Variants in STARD13 observed in about 807,000 individuals in gnomAD.
The protein encoded by STARD13 is StAR related lipid transfer domain containing 13, also known as stAR-related lipid transfer protein 13.
In STARD13, 62 loss-of-function variants were observed where a neutral mutation model predicts 106.4. That is an observed-to-expected ratio of 0.58 (90% confidence interval 0.48 to 0.72). The LOEUF (loss-of-function observed/expected upper bound fraction) is 0.72, where lower values mean the gene tolerates loss of function less well. STARD13 is among the 30% of genes least tolerant of loss of function. The pLI, the probability that STARD13 is intolerant of heterozygous loss-of-function variation, is 0.00. For synonymous variants in STARD13, 565 were observed against 553.0 expected, an observed-to-expected ratio of 1.02 and a Z score of -0.31; for missense variants, 1,387 against 1,424.0, an observed-to-expected ratio of 0.97 and a Z score of 0.42.
chr13:33,637,507 G>C, the STARD13 span, among the ~76,000 whole-genome samples: 1 of 152,146 alleles, frequency 6.6e-6, no homozygotes, highest in Non-Finnish European at 1.5e-5. Flanking sequence ...GAAGAATGCT[G>C]TTTCCATTGT....
the STARD13 span, among the ~76,000 whole-genome samples, chr13:33,515,068 T>C: frequency 6.6e-6 from 1 of 152,152 alleles, no homozygotes; most frequent in African/African-American, 2.4e-5. Flanking sequence ...GCCAGAGTAC[T>C]AGAGGCTGGA....
chr13:33,499,531 C>CT, the STARD13 span, among the ~76,000 whole-genome samples: 83 of 41,702 alleles, frequency 2.0e-3, 3 homozygotes, highest in South Asian at 4.2e-3. Context: ...TCTTCTTCTT[C>CT]TTCTTCTTCT....
chr13:33,140,944 A>C (rs1879746354), intron 4 of STARD13, among the ~76,000 whole-genome samples: 1 of 152,018 alleles, frequency 6.6e-6, no homozygotes, highest in Non-Finnish European at 1.5e-5. Flanking sequence ...TTTTTAGTAG[A>C]GACGGGTTTC....
the STARD13 span, among the ~76,000 whole-genome samples, chr13:33,602,327 G>A: frequency 1.3e-3 from 203 of 152,214 alleles, 2 homozygotes; most frequent in East Asian, 0.028. Flanking sequence ...TCCTGACCTC[G>A]TGATCCGCCT....
At chr13:33,175,586 C>T (rs1884431750) in intron 1 of STARD13, among the ~76,000 whole-genome samples, 1 of 152,256 alleles carries the variant, frequency 6.6e-6, no homozygotes, top group East Asian at 1.9e-4. Context: ...GATATTGGCT[C>T]TCAGAGCCGA....
intron 2 of STARD13, among the ~76,000 whole-genome samples, chr13:33,167,015 C>CAAAAA (rs1010175989): frequency 2.2e-4 from 30 of 139,278 alleles, no homozygotes; most frequent in African/African-American, 5.9e-4. Flanking sequence ...AAAAAAAAAC[C>CAAAAA]AAAAAAAAAT....
chr13:33,457,323 C>T, the STARD13 span, among the ~76,000 whole-genome samples: 1 of 152,170 alleles, frequency 6.6e-6, no homozygotes, highest in Non-Finnish European at 1.5e-5. Flanking sequence ...CTAATACAAG[C>T]AATGCCAAGT....
the STARD13 span, among the ~76,000 whole-genome samples, chr13:33,471,365 G>A: frequency 6.6e-6 from 1 of 152,200 alleles, no homozygotes; most frequent in African/African-American, 2.4e-5. Context: ...GGCTGCAGCA[G>A]CCAGTTCCTG....
chr13:33,347,440 T>G (rs1326840996), downstream of STARD13, among the ~76,000 whole-genome samples: 4 of 152,150 alleles, frequency 2.6e-5, no homozygotes, highest in Non-Finnish European at 5.9e-5. Context: ...AGAGATGGGG[T>G]TTCACTATGT....
At chr13:33,207,808 C>A (rs932717190) in intron 1 of STARD13, among the ~76,000 whole-genome samples, 1 of 152,168 alleles carries the variant, frequency 6.6e-6, no homozygotes, top group African/African-American at 2.4e-5. Flanking sequence ...CAGAAGTCAG[C>A]TTTTTAATCC....
At chr13:33,169,053 C>T (rs982342272) in intron 1 of STARD13, among the ~76,000 whole-genome samples, 1 of 152,200 alleles carries the variant, frequency 6.6e-6, no homozygotes, top group African/African-American at 2.4e-5. Flanking sequence ...AGATTTGTCT[C>T]TTGTGTGAGG....
chr13:33,244,119 C>G (rs1889704669), intron 1 of STARD13, among the ~76,000 whole-genome samples: 1 of 150,722 alleles, frequency 6.6e-6, no homozygotes, highest in Non-Finnish European at 1.5e-5. Flanking sequence ...TGGAGCATTT[C>G]AGATTTTGGA....
chr13:33,160,309 A>G (rs569108363), intron 3 of STARD13, among the ~76,000 whole-genome samples: 57 of 152,310 alleles, frequency 3.7e-4, no homozygotes, highest in African/African-American at 1.3e-3. Flanking sequence ...AAAATGGATC[A>G]TAGGTCTAAA....
At chr13:33,255,985 A>T (rs1001750844) in intron 1 of STARD13, among the ~76,000 whole-genome samples, 3 of 152,244 alleles carry the variant, frequency 2.0e-5, no homozygotes, top group Non-Finnish European at 4.4e-5. Context: ...AGTATAAATA[A>T]AAAGCATAAA....
chr13:33,400,515 G>A, the STARD13 span, among the ~76,000 whole-genome samples: 4 of 151,086 alleles, frequency 2.6e-5, no homozygotes, highest in African/African-American at 9.8e-5. Context: ...AGGCTGGAGT[G>A]TAGTGGCACA....
chr13:33,138,829 G>C, intron 4 of STARD13: 1 of 473,214 alleles, frequency 2.1e-6, no homozygotes, highest in South Asian at 1.5e-5. Context: ...GGCAGGGAAG[G>C]TCATCTCGAA....
chr13:33,525,438 G>A, the STARD13 span, among the ~76,000 whole-genome samples: 8 of 152,214 alleles, frequency 5.3e-5, no homozygotes, highest in South Asian at 1.0e-3. Flanking sequence ...TGTGGTAATA[G>A]TGGAGAACAA....
chr13:33,241,597 G>A (rs1261677874), intron 1 of STARD13, among the ~76,000 whole-genome samples: 1 of 149,072 alleles, frequency 6.7e-6, no homozygotes, highest in Admixed American at 6.7e-5. Flanking sequence ...CCGAGCCGAG[G>A]CTGGACCATA....
At chr13:33,646,831 A>G in the STARD13 span, among the ~76,000 whole-genome samples, 2 of 152,316 alleles carry the variant, frequency 1.3e-5, no homozygotes, top group East Asian at 3.9e-4. Flanking sequence ...AAGGTGTTAT[A>G]TAATACAATA....
Sources: gnomAD v4.1 joint callset for allele counts (sites outside exome capture counted in the v4.1 genomes callset) on GRCh38, gnomAD v4.1.1 for gene constraint, MANE v1.5 for transcripts, NCBI Gene and HGNC (gene_info 2026-07-23, HGNC 2026-07-21) for gene names.